Variants in ST6GALNAC3 observed in about 807,000 individuals in gnomAD.
The protein encoded by ST6GALNAC3 is alpha-N-acetylgalactosaminide alpha-2,6-sialyltransferase 3.
Under a neutral mutation model 32.7 loss-of-function variants are expected in ST6GALNAC3, and 25 were observed. The ratio of observed to expected loss-of-function variants is 0.76; its 90% confidence interval spans 0.56 to 1.07. ST6GALNAC3 has a LOEUF of 1.07. Ranked by LOEUF, ST6GALNAC3 falls within the 50% of genes least tolerant of loss-of-function variation. The pLI, the probability that ST6GALNAC3 is intolerant of heterozygous loss-of-function variation, is 0.00. For missense variants in ST6GALNAC3, 355 were observed against 382.4 expected (o/e 0.93, Z 0.60); for synonymous variants, 129 against 133.1 (o/e 0.97, Z 0.21).
At chr1:76,193,489 G>A (rs984515772) in intron 1 of ST6GALNAC3, among the ~76,000 whole-genome samples, 5 of 151,976 alleles carry the variant, frequency 3.3e-5, no homozygotes, top group Non-Finnish European at 4.4e-5. Flanking sequence ...ATATTTATTT[G>A]AATAAATATT....
At chr1:76,357,130 C>CTTTTTTTTTTTTTTTTTTT (rs55786044) in intron 2 of ST6GALNAC3, among the ~76,000 whole-genome samples, 55 of 111,172 alleles carry the variant, frequency 4.9e-4, no homozygotes, top group African/African-American at 5.8e-4. Flanking sequence ...TTTTCTTTTT[C>CTTTTTTTTTTTTTTTTTTT]TTTTTTTTTT....
intron 1 of ST6GALNAC3, among the ~76,000 whole-genome samples, chr1:76,249,203 C>T (rs1442761585): frequency 1.3e-5 from 2 of 152,138 alleles, no homozygotes; most frequent in Non-Finnish European, 2.9e-5. Context: ...TCTTTAATTG[C>T]TTTATTTCTT....
intron 3 of ST6GALNAC3, among the ~76,000 whole-genome samples, chr1:76,469,954 A>C (rs1296337467): frequency 6.6e-6 from 1 of 152,068 alleles, no homozygotes; most frequent in East Asian, 1.9e-4. Context: ...ACTTGCAGTG[A>C]AACTATATTT....
chr1:76,135,960 C>T (rs1029391618), intron 1 of ST6GALNAC3, among the ~76,000 whole-genome samples: 4 of 152,110 alleles, frequency 2.6e-5, no homozygotes, highest in Admixed American at 6.5e-5. Flanking sequence ...GTGATTCTGT[C>T]GCATACCCCA....
At chr1:76,316,705 A>G (rs1197797680) in intron 2 of ST6GALNAC3, among the ~76,000 whole-genome samples, 5 of 152,068 alleles carry the variant, frequency 3.3e-5, no homozygotes, top group Non-Finnish European at 5.9e-5. Flanking sequence ...CTATCTGTTG[A>G]TCCTGTTGGA....
chr1:76,438,301 G>A (rs1336790050), intron 3 of ST6GALNAC3, among the ~76,000 whole-genome samples: 3 of 151,954 alleles, frequency 2.0e-5, no homozygotes, highest in South Asian at 2.1e-4. Flanking sequence ...ACAGGCGCCC[G>A]CCACCGTGCC....
intron 1 of ST6GALNAC3, among the ~76,000 whole-genome samples, chr1:76,270,028 G>A (rs539485972): frequency 6.6e-6 from 1 of 152,136 alleles, no homozygotes; most frequent in South Asian, 2.1e-4. Context: ...TCTGGATAAG[G>A]GATTCATGGG....
chr1:76,535,153 A>T (rs903596060), intron 3 of ST6GALNAC3, among the ~76,000 whole-genome samples: 16 of 152,114 alleles, frequency 1.1e-4, no homozygotes, highest in African/African-American at 3.9e-4. Flanking sequence ...TATGGTTCCA[A>T]TCTTTCGCTT....
intron 2 of ST6GALNAC3, among the ~76,000 whole-genome samples, chr1:76,328,110 G>T (rs1365324119): frequency 6.6e-6 from 1 of 152,098 alleles, no homozygotes; most frequent in African/African-American, 2.4e-5. Context: ...TGCTCAAATT[G>T]GCAGGACTGA....
chr1:76,089,993 A>G (rs1647022466), intron 1 of ST6GALNAC3, among the ~76,000 whole-genome samples: 1 of 152,186 alleles, frequency 6.6e-6, no homozygotes, highest in Non-Finnish European at 1.5e-5. Context: ...GTGCACTTAC[A>G]TACACCTGGG....
intron 1 of ST6GALNAC3, among the ~76,000 whole-genome samples, chr1:76,242,938 A>G (rs1342619146): frequency 6.6e-6 from 1 of 152,234 alleles, no homozygotes; most frequent in Non-Finnish European, 1.5e-5. Context: ...TCTTTATAGT[A>G]GAATGATTTA....
chr1:76,591,923 A>G (rs913586167), intron 3 of ST6GALNAC3, among the ~76,000 whole-genome samples: 5 of 152,110 alleles, frequency 3.3e-5, no homozygotes, highest in African/African-American at 1.2e-4. Flanking sequence ...CTAATTTACA[A>G]TTGGCACGGA....
chr1:76,483,314 T>A (rs149674458), intron 3 of ST6GALNAC3, among the ~76,000 whole-genome samples: 1 of 152,202 alleles, frequency 6.6e-6, no homozygotes, highest in Non-Finnish European at 1.5e-5. Context: ...TCTTCCACAA[T>A]GGTTGAACTA....
intron 1 of ST6GALNAC3, among the ~76,000 whole-genome samples, chr1:76,196,736 T>C (rs192411923): frequency 3.3e-5 from 5 of 152,160 alleles, no homozygotes; most frequent in Non-Finnish European, 5.9e-5. Flanking sequence ...AAAGTGCTAT[T>C]ACAGGTGTGA....
At chr1:76,322,147 A>G (rs1335920430) in intron 2 of ST6GALNAC3, among the ~76,000 whole-genome samples, 1 of 152,180 alleles carries the variant, frequency 6.6e-6, no homozygotes, top group Non-Finnish European at 1.5e-5. Context: ...AAAACAAAAC[A>G]GTGTATCTAT....
At chr1:76,348,879 G>C (rs1043662360) in intron 2 of ST6GALNAC3, among the ~76,000 whole-genome samples, 1 of 152,142 alleles carries the variant, frequency 6.6e-6, no homozygotes, top group Non-Finnish European at 1.5e-5. Flanking sequence ...GACTAAGTGA[G>C]AGAACATACT....
chr1:76,080,702 G>A (rs1185729828), intron 1 of ST6GALNAC3, among the ~76,000 whole-genome samples: 1 of 151,278 alleles, frequency 6.6e-6, no homozygotes. Context: ...CAAACGATGA[G>A]GTCTCAAAGC....
chr1:76,627,402 G>A (rs1338588370), intron 3 of ST6GALNAC3, 50 bp from the exon 4 acceptor site: 1 of 1,173,864 alleles, frequency 8.5e-7, no homozygotes, highest in African/African-American at 1.5e-5. Context: ...TTCTGTGTGT[G>A]TGTTCTGTGT....
intron 2 of ST6GALNAC3, among the ~76,000 whole-genome samples, chr1:76,349,387 G>A (rs1319342908): frequency 1.3e-5 from 2 of 152,142 alleles, no homozygotes; most frequent in Non-Finnish European, 2.9e-5. Flanking sequence ...CCAGACCTGT[G>A]TGGAAGGCAA....
Sources: gnomAD v4.1 joint callset for allele counts (sites outside exome capture counted in the v4.1 genomes callset) on GRCh38, gnomAD v4.1.1 for gene constraint, MANE v1.5 for transcripts, NCBI Gene and HGNC (gene_info 2026-07-23, HGNC 2026-07-21) for gene names.